PTPRT: variants seen among roughly 807,000 people sequenced by gnomAD.
The protein encoded by PTPRT is protein tyrosine phosphatase receptor type T, also known as receptor-type tyrosine-protein phosphatase T.
PTPRT carries 56 observed loss-of-function variants against 176.8 expected under a neutral mutation model. That is an observed-to-expected ratio of 0.32 (90% CI 0.26 to 0.40). PTPRT has a LOEUF of 0.40. PTPRT is among the 10% of genes least tolerant of loss of function. The pLI is 1.00. For synonymous variants in PTPRT, 783 were observed against 739.0 expected, an observed-to-expected ratio of 1.06 and a Z score of -0.96; for missense variants, 1,540 against 1,908.2, an observed-to-expected ratio of 0.81 and a Z score of 3.60.
At chr20:42,099,545 G>GC (rs1985674447) in intron 26 of PTPRT, among the ~76,000 whole-genome samples, 1 of 51,462 alleles carries the variant, frequency 1.9e-5, no homozygotes, top group South Asian at 1.4e-3. Context: ...AATGGCCTGG[G>GC]CGGGGGGGGG....
chr20:42,222,184 A>G (rs1275567922), intron 15 of PTPRT, among the ~76,000 whole-genome samples: 2 of 152,176 alleles, frequency 1.3e-5, no homozygotes, highest in Non-Finnish European at 2.9e-5. Flanking sequence ...AGAACACAGC[A>G]CTAGTAATTA....
At chr20:42,452,404 G>C (rs912894592) in intron 8 of PTPRT, among the ~76,000 whole-genome samples, 1 of 152,114 alleles carries the variant, frequency 6.6e-6, no homozygotes, top group African/African-American at 2.4e-5. Context: ...GAGAGAAGAG[G>C]AGAGGATGGA....
intron 2 of PTPRT, among the ~76,000 whole-genome samples, chr20:42,870,802 T>C (rs967055652): frequency 2.0e-5 from 3 of 152,234 alleles, no homozygotes; most frequent in Admixed American, 6.5e-5. Context: ...ACAAACAATG[T>C]ACAAAGGTTC....
chr20:42,912,207 T>C (rs1978441564), intron 1 of PTPRT, among the ~76,000 whole-genome samples: 1 of 152,162 alleles, frequency 6.6e-6, no homozygotes, highest in South Asian at 2.1e-4. Context: ...GCATCCTCAC[T>C]AGTACTAAGT....
intron 6 of PTPRT, among the ~76,000 whole-genome samples, chr20:42,750,297 T>C (rs1404901824): frequency 6.6e-6 from 1 of 152,154 alleles, no homozygotes; most frequent in Non-Finnish European, 1.5e-5. Flanking sequence ...AGTACTAGGA[T>C]GTATCTGTTT....
Position 42,076,287 on chromosome 20 carries a change from G to A in PTPRT, c.*4592C>T, listed in dbSNP as rs955040340. On this transcript the variant is annotated 3_prime_UTR_variant, in exon 31 of 31. Coordinates refer to ENST00000373187, the MANE Select transcript of PTPRT (RefSeq NM_007050.6). ...CTTCCAGACCCCAGCTGCTCATGAA[G>A]TGTGTCCTCAGACTTGCCCACATTA... The A allele has an allele frequency of 3.9e-5, 8 of 204,670 alleles. No homozygotes were observed. Among genetic ancestry groups the A allele is most frequent in the African/African-American group, 1.4e-4 (6 of 43,704 alleles). 12.7% of individuals were successfully genotyped at this position (204,670 alleles called of 1,614,324 possible).
intron 12 of PTPRT, among the ~76,000 whole-genome samples, chr20:42,290,024 T>C (rs961174919): frequency 3.3e-5 from 5 of 152,012 alleles, no homozygotes; most frequent in Non-Finnish European, 7.4e-5. Flanking sequence ...AGTGACTAGA[T>C]TGTCAGCAAG....
chr20:42,497,730 G>A lies in PTPRT; in HGVS notation c.1154-25168C>T, dbSNP rs192948921. ...ATTGCCTTTTACTCCAATGATATTAGAGTCTACAGATATGCCTTTCTTATA... is the reference window on the plus strand; with the variant it reads ...ATTGCCTTTTACTCCAATGATATTAAAGTCTACAGATATGCCTTTCTTATA... On this transcript the variant is annotated intron_variant, in intron 7 of 30. Coordinates refer to ENST00000373187, the MANE Select transcript of PTPRT (RefSeq NM_007050.6). Among the ~76,000 whole-genome samples the A allele has an allele frequency of 4.5e-3, 677 of 152,052 alleles. 10 individuals are homozygous for A. Among genetic ancestry groups the A allele is most frequent in the African/African-American group, 0.016 (651 of 41,478 alleles).
At chr20:42,440,968 G>A (rs970141200) in intron 9 of PTPRT, among the ~76,000 whole-genome samples, 1 of 152,136 alleles carries the variant, frequency 6.6e-6, no homozygotes, top group African/African-American at 2.4e-5. Context: ...CTATGTTATG[G>A]GGAGCAATCT....
intron 13 of PTPRT, among the ~76,000 whole-genome samples, chr20:42,256,466 G>A (rs6130091): frequency 0.47 from 71,869 of 151,340 alleles, 19,008 homozygotes; most frequent in Non-Finnish European, 0.58. Context: ...AGAAGCCTGG[G>A]GAGAAACAAA....
the PTPRT span, among the ~76,000 whole-genome samples, chr20:42,045,666 CT>C: frequency 7.5e-6 from 1 of 133,516 alleles, no homozygotes; most frequent in Non-Finnish European, 1.7e-5. Context: ...TTTTTTTTTT[CT>C]TTTAAACAGT....
At chr20:42,045,360 T>C in the PTPRT span, among the ~76,000 whole-genome samples, 2 of 151,824 alleles carry the variant, frequency 1.3e-5, no homozygotes, top group African/African-American at 4.8e-5. Flanking sequence ...AGAAATACAC[T>C]GAGTGGCTCC....
intron 1 of PTPRT, among the ~76,000 whole-genome samples, chr20:42,906,150 C>T (rs2145924965): frequency 6.6e-6 from 1 of 152,222 alleles, no homozygotes; most frequent in South Asian, 2.1e-4. Context: ...AACACATCAG[C>T]AGAAGAACCC....
chr20:42,612,028 C>T (rs1242791385), intron 7 of PTPRT, among the ~76,000 whole-genome samples: 1 of 152,112 alleles, frequency 6.6e-6, no homozygotes, highest in African/African-American at 2.4e-5. Flanking sequence ...GACATGGGCC[C>T]TTGGTCGTGA....
intron 1 of PTPRT, among the ~76,000 whole-genome samples, chr20:43,002,959 T>C (rs1277580053): frequency 6.7e-6 from 1 of 149,548 alleles, no homozygotes; most frequent in Non-Finnish European, 1.5e-5. Context: ...TATTAATAGA[T>C]AAAACATGAA....
chr20:42,487,278 G>T (rs1374914972), intron 7 of PTPRT, among the ~76,000 whole-genome samples: 1 of 152,182 alleles, frequency 6.6e-6, no homozygotes, highest in Non-Finnish European at 1.5e-5. Context: ...ATCTCAATAT[G>T]AACATTCTCA....
intron 9 of PTPRT, among the ~76,000 whole-genome samples, chr20:42,428,739 C>T (rs1383701329): frequency 1.3e-5 from 2 of 152,134 alleles, no homozygotes; most frequent in Non-Finnish European, 2.9e-5. Context: ...TGAAACTCAA[C>T]TCATCCCATT....
chr20:42,552,671 G>A (rs561856971), intron 7 of PTPRT, among the ~76,000 whole-genome samples: 7 of 152,226 alleles, frequency 4.6e-5, no homozygotes, highest in African/African-American at 1.7e-4. Context: ...TGTCTAAATT[G>A]GAAAATATTT....
intron 1 of PTPRT, among the ~76,000 whole-genome samples, chr20:42,998,502 A>T (rs541139814): frequency 6.6e-6 from 1 of 152,298 alleles, no homozygotes; most frequent in South Asian, 2.1e-4. Flanking sequence ...CACCCAGAAG[A>T]TCATTGAGAA....
Sources: gnomAD v4.1 joint callset for allele counts (sites outside exome capture counted in the v4.1 genomes callset) on GRCh38, gnomAD v4.1.1 for gene constraint, MANE v1.5 for transcripts, NCBI Gene and HGNC (gene_info 2026-07-23, HGNC 2026-07-21) for gene names.